The following HOXC13 variants were observed in gnomAD, a reference collection of about 807,000 sequenced individuals.
HOXC13 encodes the protein homeobox C13.
In HOXC13, 10 loss-of-function variants were observed where a neutral mutation model predicts 25.9. The observed-to-expected ratio is 0.39, with a 90% CI of 0.24 to 0.65. The LOEUF (loss-of-function observed/expected upper bound fraction) is 0.65. Ranked by LOEUF, HOXC13 falls within the 30% of genes least tolerant of loss-of-function variation. HOXC13 has a pLI of 0.50. For synonymous variants in HOXC13, 233 were observed against 217.1 expected, an observed-to-expected ratio of 1.07 and a Z score of -0.64; for missense variants, 439 against 478.3, an observed-to-expected ratio of 0.92 and a Z score of 0.77.
Position 53,945,809 on chromosome 12 carries a change from A to G in HOXC13, c.*553A>G. ...TAAAAGTCGTGTTAATACTCATGAT[A>G]ATTATTAGGGACCTGGCAGCGTGAT... On this transcript the variant is annotated 3_prime_UTR_variant, in exon 2 of 2. Coordinates refer to ENST00000243056, the MANE Select transcript of HOXC13 (RefSeq NM_017410.3). The surrounding 1 kb of genome is among the most constrained non-coding windows in gnomAD (Gnocchi z 4.4). The G allele has an allele frequency of 4.2e-6, 1 of 237,060 alleles. No homozygotes were observed. The highest frequency in any genetic ancestry group is 8.4e-6 in the Non-Finnish European group (1 of 119,726). 14.7% of individuals were successfully genotyped at this position (237,060 alleles called of 1,614,324 possible). A position where few individuals can be genotyped will look rare whatever the true frequency, so the allele number is the denominator to read the frequency against.
At chr12:53,941,186 G>A (rs1301699690) in intron 1 of HOXC13, among the ~76,000 whole-genome samples, 1 of 152,142 alleles carries the variant, frequency 6.6e-6, no homozygotes, top group African/African-American at 2.4e-5. Context: ...TACCTAATAT[G>A]AAATATACAA....
intron 1 of HOXC13, 79 bp from the exon 2 acceptor site, chr12:53,944,908 CTGCCAGAACTCTG>C: frequency 6.5e-7 from 1 of 1,536,644 alleles, no homozygotes; most frequent in Non-Finnish European, 8.9e-7. Flanking sequence ...CGTTGAGCCC[CTGCCAGAACTCTG>C]TGCCTAGGCA....
Position 53,945,250 on chromosome 12 carries a change from C to A in HOXC13, c.987C>A (p.Ser329=). 6.2e-7 allele frequency: 1 copy of A among 1,614,022 alleles called. No individual in the cohort carries two copies. The highest frequency in any genetic ancestry group is 8.5e-7 in the Non-Finnish European group (1 of 1,179,902). Residue 329 remains serine (S), a synonymous_variant, in exon 2 of 2, where the codon TCC becomes TCA. Transcript: ENST00000243056. This position sits in a 1 kb window ranked among gnomAD's most constrained non-coding sequence, Gnocchi z 4.4. ...AATCGAAAGCGCCTCATCTCCACTCCACCTGACCACCCACCCGCTGCTTGC... is the reference window on the plus strand; with the variant it reads ...AATCGAAAGCGCCTCATCTCCACTCAACCTGACCACCCACCCGCTGCTTGC... ...VSKSKAPHLH[S]T
At chr12:53,942,154 CTTTTTTTTTTTTTTTTTTTTTTTT>C (rs56678098) in intron 1 of HOXC13, among the ~76,000 whole-genome samples, 1 of 39,312 alleles carries the variant, frequency 2.5e-5, no homozygotes, top group African/African-American at 1.2e-4. Context: ...TGAGTGTAGA[CTTTTTTTTTTTTTTTTTTTTTTTT>C]TTTTTTTTTT....
chr12:53,938,941 C>G lies in HOXC13; in HGVS notation c.35C>G (p.Pro12Arg). The G allele has an allele frequency of 3.8e-6, 6 of 1,560,092 alleles. No homozygotes were observed. The highest frequency in any genetic ancestry group is 5.2e-6 in the Non-Finnish European group (6 of 1,160,066). The stretch of plus-strand genomic sequence containing the variant: ...TCGCTGCTCCTGCATCCACGCTGGC[C>G]GGAGAGCCTTATGTACGTCTATGAG... ...TTSLLLHPRWPESLMYVYEDS... is the reference protein window; with the variant it reads ...TTSLLLHPRWRESLMYVYEDS... The change falls in exon 1 of 2, where the codon CCG becomes CGG. Residue 12 changes from proline to arginine, a missense_variant. Transcript: ENST00000243056.
In HOXC13 at chr12:53,945,496, A is replaced by G. The variant is rs1345413033; in HGVS notation, c.*240A>G. On this transcript the variant is annotated 3_prime_UTR_variant, in exon 2 of 2. Coordinates refer to ENST00000243056, the MANE Select transcript of HOXC13 (RefSeq NM_017410.3). This position sits in a 1 kb window ranked among gnomAD's most constrained non-coding sequence, Gnocchi z 4.4. ...TCACGTGGCTTCAACAGCTTTGGAA[A>G]TGGGTCCCGAGTGGGCCGTGCGAGG... The G allele has an allele frequency of 1.8e-6, 1 of 565,916 alleles. No individual in the cohort carries two copies. The highest frequency in any genetic ancestry group is 3.2e-6 in the Non-Finnish European group (1 of 316,894). The allele number at this position is 565,916 out of a possible 1,614,324, so 35.1% of individuals were successfully genotyped here.
At chr12:53,940,142 T>G (rs1938586628) in intron 1 of HOXC13, among the ~76,000 whole-genome samples, 1 of 152,242 alleles carries the variant, frequency 6.6e-6, no homozygotes, top group African/African-American at 2.4e-5. Context: ...GGGACTAATT[T>G]GCTGGGGTCT....
intron 1 of HOXC13, among the ~76,000 whole-genome samples, chr12:53,941,996 G>C (rs1431202462): frequency 6.6e-6 from 1 of 152,184 alleles, no homozygotes; most frequent in Non-Finnish European, 1.5e-5. Flanking sequence ...ATCCTCATCT[G>C]TGGTAGTCTG....
intron 1 of HOXC13, among the ~76,000 whole-genome samples, chr12:53,944,783 GC>G (rs1938664334): frequency 6.6e-6 from 1 of 152,036 alleles, no homozygotes; most frequent in South Asian, 2.1e-4. Flanking sequence ...TGAGTTTTTG[GC>G]GCCCCCTCCC....
intron 1 of HOXC13, 80 bp from the exon 2 acceptor site, chr12:53,944,920 T>C: frequency 6.3e-7 from 1 of 1,579,956 alleles, no homozygotes; most frequent in South Asian, 1.1e-5. Context: ...GCCAGAACTC[T>C]GTGCCTAGGC....
rs757225038 is a variant in HOXC13, at chr12:53,944,968, C to T, written c.737-32C>T. On this transcript the variant is annotated intron_variant, in intron 1 of 1. Coordinates refer to ENST00000243056, the MANE Select transcript of HOXC13 (RefSeq NM_017410.3). ...TCTATCTCAGTCCAGCCGCTTGCCTCACTTCTTCCCGCTTGCCTTATCTCC... is the reference window on the plus strand; with the variant it reads ...TCTATCTCAGTCCAGCCGCTTGCCTTACTTCTTCCCGCTTGCCTTATCTCC... The T allele has an allele frequency of 1.7e-5, 28 of 1,611,064 alleles. No homozygotes were observed. The East Asian group carries it at 5.6e-4, about 32-fold the overall frequency.
At chr12:53,944,559 A>G (rs1167794934) in intron 1 of HOXC13, among the ~76,000 whole-genome samples, 2 of 152,208 alleles carry the variant, frequency 1.3e-5, no homozygotes, top group African/African-American at 4.8e-5. Flanking sequence ...TTCTGCAAGC[A>G]TGGCAGGCCA....
In HOXC13 at chr12:53,945,590, A is replaced by G. The variant is rs1478551550; in HGVS notation, c.*334A>G. 2.5e-5 allele frequency: 10 copies of G among 402,508 alleles called. No homozygotes were observed. Among genetic ancestry groups the G allele is most frequent in the African/African-American group, 3.9e-5 (2 of 51,066 alleles). 24.9% of individuals were successfully genotyped at this position (402,508 alleles called of 1,614,324 possible). On this transcript the variant is annotated 3_prime_UTR_variant, in exon 2 of 2. Coordinates refer to ENST00000243056, the MANE Select transcript of HOXC13 (RefSeq NM_017410.3). The surrounding 1 kb of genome is among the most constrained non-coding windows in gnomAD (Gnocchi z 4.4). ...AAGTCTGGTGGCAGCGCAGAGCCCA[A>G]TCATTCCAACCAAAGCAGGGTTGGG... is the stretch of plus-strand genomic sequence containing the variant.
At chr12:53,944,858 G>A (rs973620444) in intron 1 of HOXC13, 142 bp from the exon 2 acceptor site, 1 of 1,038,048 alleles carries the variant, frequency 9.6e-7, no homozygotes, top group Non-Finnish European at 1.4e-6. Context: ...GAAATGAAAA[G>A]CATTAGGGAG....
In HOXC13 at chr12:53,946,526, A is replaced by G. The variant is rs1416177129; in HGVS notation, c.*1270A>G. 1 of 189,770 alleles carries G rather than the reference A, an allele frequency of 5.3e-6. No homozygotes were observed. The highest frequency in any genetic ancestry group is 1.1e-5 in the Non-Finnish European group (1 of 90,170). The allele number at this position is 189,770 out of a possible 1,614,324, so 11.8% of individuals were successfully genotyped here. On this transcript the variant is annotated 3_prime_UTR_variant, in exon 2 of 2. Transcript: ENST00000243056. ...CCCACAAACATGTTTTTAAAATAAA[A>G]TATCTTTTTTTGCCTTGATTTTATT...
chr12:53,938,921 G>A lies in HOXC13; in HGVS notation c.15G>A (p.Leu5=). The change falls in exon 1 of 2, where the codon CTG becomes CTA. Residue 5 remains leucine, a synonymous_variant. Transcript: ENST00000243056. Reference sequence around the variant, plus strand: ...CAGATCATGTCATGACGACTTCGCTGCTCCTGCATCCACGCTGGCCGGAGA... The same window carrying A: ...CAGATCATGTCATGACGACTTCGCTACTCCTGCATCCACGCTGGCCGGAGA... MTTS[L]LLHPRWPESL... 1 of 1,558,638 alleles carries A rather than the reference G, an allele frequency of 6.4e-7. No homozygotes were observed. The highest frequency in any genetic ancestry group is 8.6e-7 in the Non-Finnish European group (1 of 1,159,958).
rs565482913 is a variant in HOXC13, at chr12:53,942,135, T to A, written c.736+2493T>A. On this transcript the variant is annotated intron_variant, in intron 1 of 1. Coordinates refer to ENST00000243056, the MANE Select transcript of HOXC13 (RefSeq NM_017410.3). ...TATTGCTCTGGTTTTTTTTTTTTTC[T>A]CCCTACGGTGAGTGTAGACTTTTTT... 5.6e-4 allele frequency among the ~76,000 whole-genome samples: 72 copies of A among 128,588 alleles called. 1 individual carries two copies. Among genetic ancestry groups the A allele is most frequent in the Admixed American group, 2.7e-3 (33 of 12,356 alleles). 84.4% of individuals were successfully genotyped at this position (128,588 alleles called of 152,430 possible).
At position 53,945,105 on chromosome 12, in the gene HOXC13, C is replaced by T; in HGVS notation, c.842C>T (p.Ala281Val). ...AAGGAGCTAGAGAAGGAATACGCGG[C>T]TAGCAAGTTCATCACCAAAGAGAAG... ...QLKELEKEYA[A>V]SKFITKEKRR... The change falls in exon 2 of 2, where the codon GCT becomes GTT. Residue 281 changes from alanine (A) to valine (V), a missense_variant. Physicochemically the swap from Ala to Val is moderately conservative, Grantham distance 64. Transcript: ENST00000243056. This position sits in a 1 kb window ranked among gnomAD's most constrained non-coding sequence, Gnocchi z 4.4. 6.2e-7 allele frequency: 1 copy of T among 1,614,202 alleles called. No individual in the cohort carries two copies. Among genetic ancestry groups the T allele is most frequent in the Non-Finnish European group, 8.5e-7 (1 of 1,180,040 alleles).
Position 53,939,565 on chromosome 12 carries a change from C to T in HOXC13, c.659C>T (p.Ser220Phe). ...PVEGYQHWALSNGWDSQVYCS... is the reference protein window; with the variant it reads ...PVEGYQHWALFNGWDSQVYCS... Reference sequence around the variant, plus strand: ...GAAGGCTACCAGCACTGGGCTCTCTCCAATGGCTGGGACAGTCAGGTGTAC... The same window carrying T: ...GAAGGCTACCAGCACTGGGCTCTCTTCAATGGCTGGGACAGTCAGGTGTAC... Residue 220 changes from serine to phenylalanine, a missense_variant, in exon 1 of 2, where the codon TCC becomes TTC. By Grantham distance (155) the Ser-to-Phe change is radical. Coordinates refer to ENST00000243056, the MANE Select transcript of HOXC13 (RefSeq NM_017410.3). The surrounding 1 kb of genome is among the most constrained non-coding windows in gnomAD (Gnocchi z 6.7). 1 of 1,611,728 alleles carries T rather than the reference C, an allele frequency of 6.2e-7. No homozygotes were observed. Among genetic ancestry groups the T allele is most frequent in the Non-Finnish European group, 8.5e-7 (1 of 1,179,478 alleles).
Sources: allele counts gnomAD v4.1 joint callset (sites outside exome capture counted in the v4.1 genomes callset), GRCh38; gene constraint gnomAD v4.1.1; non-coding constraint Gnocchi (gnomAD v3.1); transcripts MANE v1.5; gene names NCBI Gene and HGNC (gene_info 2026-07-23, HGNC 2026-07-21).